LRBA: variants seen among roughly 807,000 people sequenced by gnomAD.
The protein encoded by LRBA is lipopolysaccharide-responsive and beige-like anchor protein.
LRBA carries 176 observed loss-of-function variants against 330.0 expected under a neutral mutation model. The ratio of observed to expected loss-of-function variants is 0.53; its 90% CI spans 0.47 to 0.60. The LOEUF (loss-of-function observed/expected upper bound fraction) is 0.60, where lower values mean the gene tolerates loss of function less well. LRBA is among the 20% of genes least tolerant of loss of function. The pLI is 0.00. For synonymous variants in LRBA, 1,230 were observed against 1,193.0 expected (o/e 1.03, Z -0.64); for missense variants, 3,259 against 3,444.8 (o/e 0.95, Z 1.35).
At chr4:150,816,811 T>A (rs1744665692) in intron 31 of LRBA, among the ~76,000 whole-genome samples, 1 of 151,980 alleles carries the variant, frequency 6.6e-6, no homozygotes, top group African/African-American at 2.4e-5. Flanking sequence ...TACATCTTCT[T>A]AAGTGCAGGG....
At chr4:150,860,215 T>A (rs940185965) in intron 22 of LRBA, among the ~76,000 whole-genome samples, 4 of 152,142 alleles carry the variant, frequency 2.6e-5, no homozygotes, top group Non-Finnish European at 5.9e-5. Context: ...ATAAAAGACA[T>A]GTATGAAACA....
chr4:150,346,891 AT>A (rs1163760820), intron 48 of LRBA, among the ~76,000 whole-genome samples: 1 of 152,066 alleles, frequency 6.6e-6, no homozygotes, highest in African/African-American at 2.4e-5. Flanking sequence ...GAAAGCAGGC[AT>A]TTGAACAGAT....
At chr4:150,819,565 T>C (rs1237801084) in intron 30 of LRBA, among the ~76,000 whole-genome samples, 1 of 152,108 alleles carries the variant, frequency 6.6e-6, no homozygotes, top group Non-Finnish European at 1.5e-5. Flanking sequence ...CAAACAGAGC[T>C]AAAAGCTAAT....
chr4:150,312,114 T>G (rs940101708), intron 51 of LRBA, among the ~76,000 whole-genome samples: 2 of 152,086 alleles, frequency 1.3e-5, no homozygotes, highest in Admixed American at 6.6e-5. Flanking sequence ...CCTCAGCAGA[T>G]TTGGGCATGT....
At chr4:150,658,457 T>G (rs1389783953) in intron 37 of LRBA, among the ~76,000 whole-genome samples, 1 of 147,824 alleles carries the variant, frequency 6.8e-6, no homozygotes, top group Non-Finnish European at 1.5e-5. Context: ...ACATGACAGG[T>G]AAGTACTCCA....
At chr4:150,598,857 T>G (rs1364496593) in intron 38 of LRBA, 150 bp downstream of exon 38, 1 of 792,558 alleles carries the variant, frequency 1.3e-6, no homozygotes, top group South Asian at 2.2e-5. Flanking sequence ...CTATAGTAAC[T>G]ATAAAAAAAT....
At chr4:150,731,765 G>A (rs1006590701) in intron 36 of LRBA, among the ~76,000 whole-genome samples, 2 of 152,014 alleles carry the variant, frequency 1.3e-5, no homozygotes, top group African/African-American at 4.8e-5. Context: ...AAATGAGTAA[G>A]ATCTAATATT....
rs185238404 is a variant in LRBA, at chr4:150,957,649, T to C, written c.217-28584A>G. Among the ~76,000 whole-genome samples the C allele has an allele frequency of 2.6e-3, 389 of 148,884 alleles. 7 individuals are homozygous for C. The highest frequency in any genetic ancestry group is 4.5e-3 in the Non-Finnish European group (309 of 67,988). On this transcript the variant is annotated intron_variant, in intron 2 of 56. Coordinates refer to ENST00000651943, the MANE Select transcript of LRBA (RefSeq NM_001364905.1). ...TAACTCCAAAGTCCACAGTCCAAAG[T>C]CTCATCCAAGACAAGGCAAGTCCCT...
At chr4:150,471,815 A>C (rs1348544627) in intron 42 of LRBA, 76 bp from the exon 43 acceptor site, 1 of 758,982 alleles carries the variant, frequency 1.3e-6, no homozygotes, top group Admixed American at 2.3e-5. Context: ...GTGCTTATTC[A>C]TTCATAATAT....
intron 17 of LRBA, among the ~76,000 whole-genome samples, chr4:150,882,176 A>G (rs1323710306): frequency 6.6e-6 from 1 of 152,222 alleles, no homozygotes; most frequent in Non-Finnish European, 1.5e-5. Flanking sequence ...AGGATTAATA[A>G]CACAAGAAGA....
At chr4:150,482,946 T>G (rs1276734781) in intron 42 of LRBA, among the ~76,000 whole-genome samples, 1 of 152,064 alleles carries the variant, frequency 6.6e-6, no homozygotes, top group Non-Finnish European at 1.5e-5. Flanking sequence ...GTTGAACAAA[T>G]ACTTTAATCC....
Position 150,908,830 on chromosome 4 carries a change from C to G in LRBA, c.1189G>C (p.Asp397His). ...TTGTGATGCTCAGCAAGGAAAAGGT[C>G]GCTTTCTGCTTTGAATTTAAATGTA... ...KGTFKFKAES[D>H]LFLAEHHKLL... The change falls in exon 10 of 57, where the codon GAC becomes CAC. Residue 397 changes from aspartate to histidine, a missense_variant. Physicochemically the swap from Asp to His is moderately conservative, Grantham distance 81. Coordinates refer to ENST00000651943, the MANE Select transcript of LRBA (RefSeq NM_001364905.1). 1 of 1,613,004 alleles carries G rather than the reference C, an allele frequency of 6.2e-7. No homozygotes were observed. Among genetic ancestry groups the G allele is most frequent in the Non-Finnish European group, 8.5e-7 (1 of 1,179,510 alleles).
intron 2 of LRBA, among the ~76,000 whole-genome samples, chr4:151,011,120 G>T (rs1253566353): frequency 1.1e-4 from 17 of 151,602 alleles, no homozygotes; most frequent in African/African-American, 4.9e-5. Flanking sequence ...CCAGGAGGCG[G>T]AGCTTGCAGT....
chr4:150,408,316 A>G (rs938833277), intron 47 of LRBA, among the ~76,000 whole-genome samples: 1 of 152,116 alleles, frequency 6.6e-6, no homozygotes, highest in Non-Finnish European at 1.5e-5. Flanking sequence ...AAAGAAATAA[A>G]TTACTGACAT....
chr4:150,453,944 C>T (rs1032785469), intron 44 of LRBA, among the ~76,000 whole-genome samples: 9 of 152,138 alleles, frequency 5.9e-5, no homozygotes, highest in African/African-American at 1.7e-4. Flanking sequence ...GTGAATGTTT[C>T]GATCAAAACG....
chr4:150,505,503 G>A (rs1044483156), intron 40 of LRBA, among the ~76,000 whole-genome samples: 35 of 152,242 alleles, frequency 2.3e-4, no homozygotes, highest in Middle Eastern at 3.4e-3. Context: ...CGAAATGAAG[G>A]CAGAAATAAA....
At chr4:150,655,861 T>C (rs1028520897) in intron 37 of LRBA, among the ~76,000 whole-genome samples, 3 of 152,176 alleles carry the variant, frequency 2.0e-5, no homozygotes, top group Non-Finnish European at 4.4e-5. Flanking sequence ...ACCTCAAGGG[T>C]CTTCCAAATA....
intron 36 of LRBA, among the ~76,000 whole-genome samples, chr4:150,717,217 A>G (rs1560721943): frequency 6.6e-6 from 1 of 152,206 alleles, no homozygotes; most frequent in Non-Finnish European, 1.5e-5. Context: ...TGTTATGATA[A>G]TTTATTTTAT....
intron 24 of LRBA, among the ~76,000 whole-genome samples, chr4:150,849,868 A>C (rs1468502757): frequency 6.6e-6 from 1 of 152,212 alleles, no homozygotes; most frequent in Non-Finnish European, 1.5e-5. Context: ...CTAAGAAATC[A>C]TGTGACAAAA....
Sources: gnomAD v4.1 joint callset for allele counts (sites outside exome capture counted in the v4.1 genomes callset) on GRCh38, gnomAD v4.1.1 for gene constraint, MANE v1.5 for transcripts, NCBI Gene and HGNC (gene_info 2026-07-23, HGNC 2026-07-21) for gene names.